The following DDX3X variants were observed in gnomAD, a reference collection of about 807,000 sequenced individuals.
DDX3X encodes the protein ATP-dependent RNA helicase DDX3X.
Under a neutral mutation model 52.7 loss-of-function variants are expected in DDX3X, and 4 were observed. The observed-to-expected ratio is 0.08, with a 90% CI of 0.04 to 0.17. DDX3X has a LOEUF of 0.17. Ranked by LOEUF, DDX3X falls within the 10% of genes least tolerant of loss-of-function variation. DDX3X has a pLI of 1.00. For synonymous variants in DDX3X, 192 were observed against 178.1 expected (o/e 1.08, Z -0.62); for missense variants, 222 against 548.6 (o/e 0.40, Z 5.95).
rs1602128866 is a variant in DDX3X at position 41,342,411 on chromosome X, T to C, written c.285-84T>C. ...TCCTTATGGTTAGCCATAACTTAAG[T>C]CTCCAGATACAGTTCTAGAGTAGGG... is the stretch of plus-strand genomic sequence containing the variant. On this transcript the variant is annotated intron_variant, in intron 4 of 16. Transcript: ENST00000644876. 8 of 1,050,506 alleles carry C rather than the reference T, an allele frequency of 7.6e-6. No homozygotes were observed. In the East Asian group the frequency reaches 2.4e-4, roughly 32 times the overall value. The allele number at this position is 1,050,506 out of a possible 1,213,427, so 86.6% of individuals were successfully genotyped here. A position where few individuals can be genotyped will look rare whatever the true frequency, so the allele number is the denominator to read the frequency against.
At chrX:41,334,447 G>C (rs1448916413) in intron 1 of DDX3X, 150 bp downstream of exon 1, 1 of 1,113,056 alleles carries the variant, frequency 9.0e-7, no homozygotes, top group African/African-American at 1.8e-5. Context: ...GGCTATAGAG[G>C]GATAGGAATG....
upstream of DDX3X, chrX:41,333,514 C>G (rs2147331042): frequency 9.2e-6 from 1 of 108,803 alleles, no homozygotes; most frequent in Admixed American, 9.8e-5. Flanking sequence ...GCCACCGTTT[C>G]CTGCTTCACA....
At chrX:41,336,798 A>G (rs1448191925) in intron 1 of DDX3X, 2 of 112,295 alleles carry the variant, frequency 1.8e-5, no homozygotes, top group African/African-American at 6.5e-5. Context: ...TGTGCTTAAC[A>G]TAGTGTTCTG....
At chrX:41,359,596 CAAAAAA>C (rs397895766) in intron 5 of DDX3X, among the ~76,000 whole-genome samples, 1 of 52,567 alleles carries the variant, frequency 1.9e-5, no homozygotes, top group African/African-American at 7.2e-5. Context: ...GATTCCATCT[CAAAAAA>C]AAAAAAAAAA....
chrX:41,334,343 C>T (rs1602110664), intron 1 of DDX3X, 46 bp downstream of exon 1: 3 of 1,194,391 alleles, frequency 2.5e-6, no homozygotes, highest in Non-Finnish European at 3.4e-6. Context: ...GTGAATTCCT[C>T]CCCTGACCTA....
chrX:41,356,438 C>T (rs2064009061), intron 5 of DDX3X, among the ~76,000 whole-genome samples: 2 of 103,974 alleles, frequency 1.9e-5, no homozygotes, highest in Non-Finnish European at 3.9e-5. Flanking sequence ...TGAGCCACCT[C>T]GCCTGGCCAG....
chrX:41,354,342 C>CTATTTTTTTTTTTTT (rs2064000334), downstream of DDX3X, among the ~76,000 whole-genome samples: 1 of 46,311 alleles, frequency 2.2e-5, no homozygotes, highest in Non-Finnish European at 3.4e-5. Context: ...CTTGTGCTAC[C>CTATTTTTTTTTTTTT]TCTTTTTTTT....
downstream of DDX3X, chrX:41,351,418 T>A (rs2063985236): frequency 8.9e-6 from 1 of 112,004 alleles, no homozygotes; most frequent in Admixed American, 9.5e-5. Flanking sequence ...TTAAAATGGC[T>A]TTATAGGAGC....
chrX:41,345,667 C>T lies in DDX3X; in HGVS notation c.1315+119C>T, dbSNP rs938928058. The T allele has an allele frequency of 3.2e-5, 21 of 655,498 alleles. No homozygotes were observed. The Admixed American group carries it at 3.6e-4, about 11-fold the overall frequency. The allele number at this position is 655,498 out of a possible 1,213,427, so 54.0% of individuals were successfully genotyped here. A position where few individuals can be genotyped will look rare whatever the true frequency, so the allele number is the denominator to read the frequency against. On this transcript the variant is annotated intron_variant, in intron 12 of 16. Transcript: ENST00000644876. ...TACTGATCAGCATGGGAGTATTTGA[C>T]CTGCTCTGTTTCTGACCTGGGCCTG...
At chrX:41,337,728 C>A (rs1602119999) in intron 2 of DDX3X, 1 of 229,419 alleles carries the variant, frequency 4.4e-6, no homozygotes, top group East Asian at 8.2e-5. Context: ...TCACCGCAGT[C>A]TCTGCCTCCG....
chrX:41,353,297 C>CA (rs61067509), downstream of DDX3X, among the ~76,000 whole-genome samples: 3,308 of 45,972 alleles, frequency 0.072, 97 homozygotes, highest in African/African-American at 0.094. Flanking sequence ...ACTAAAAATA[C>CA]AAAAAAAAAA....
chrX:41,356,181 C>T (rs1212263315), intron 5 of DDX3X, among the ~76,000 whole-genome samples: 3 of 101,646 alleles, frequency 3.0e-5, no homozygotes, highest in African/African-American at 1.1e-4. Flanking sequence ...ACTCTGTTGC[C>T]CAGGCTGAAG....
chrX:41,340,635 G>C (rs1168307838), intron 3 of DDX3X: 1 of 275,195 alleles, frequency 3.6e-6, no homozygotes, highest in Non-Finnish European at 6.4e-6. Flanking sequence ...CTTTTTCCCA[G>C]GTATTCCTGA....
chrX:41,360,552 C>T (rs111937470), intron 5 of DDX3X, among the ~76,000 whole-genome samples: 22,276 of 106,455 alleles, frequency 0.21, 2,152 homozygotes, highest in South Asian at 0.45. Flanking sequence ...AAGTGATTCT[C>T]CTGCTGCAGC....
chrX:41,343,024 A>G (rs951825462), intron 6 of DDX3X, 188 bp downstream of exon 6: 9 of 593,186 alleles, frequency 1.5e-5, no homozygotes, highest in Non-Finnish European at 2.3e-5. Context: ...TGGGTCAAAC[A>G]TAGGAACAAC....
At position 41,348,117 on chromosome X, in the gene DDX3X, C is replaced by G. The variant is rs1295171475; in HGVS notation, c.*398C>G. On this transcript the variant is annotated 3_prime_UTR_variant, in exon 17 of 17. Transcript: ENST00000644876. ...CAATTGTTTTGACAAAATAAATTTA[C>G]TGAACTTGGGCTAAAATCAAACCTT... The G allele has an allele frequency of 3.6e-6, 1 of 277,081 alleles. No individual in the cohort carries two copies. The highest frequency in any genetic ancestry group is 6.3e-6 in the Non-Finnish European group (1 of 158,325). 22.8% of individuals were successfully genotyped at this position (277,081 alleles called of 1,213,427 possible).
chrX:41,334,197 T>A lies in DDX3X; in HGVS notation c.-56T>A. 8.7e-7 allele frequency: 1 copy of A among 1,150,109 alleles called. No individual in the cohort carries two copies. The allele number at this position is 1,150,109 out of a possible 1,213,427, so 94.8% of individuals were successfully genotyped here. On this transcript the variant is annotated 5_prime_UTR_variant, in exon 1 of 17. Transcript: ENST00000644876. ...TTCTCCCGTGAGAGGGCCTTCGCGG[T>A]GGAACAAACACTCGCTTAGCAGCGG...
intron 5 of DDX3X, among the ~76,000 whole-genome samples, chrX:41,362,279 G>A (rs1178827827): frequency 1.8e-5 from 2 of 109,936 alleles, no homozygotes; most frequent in Admixed American, 2.0e-4. Context: ...AGTAGAGACG[G>A]GGTTTTGCCA....
chrX:41,345,388 A>AT lies in DDX3X; in HGVS notation c.1171-8dup, dbSNP rs747987697. On this transcript the variant is annotated splice_polypyrimidine_tract_variant and intron_variant, in intron 11 of 16. Coordinates refer to ENST00000644876, the MANE Select transcript of DDX3X (RefSeq NM_001356.5). ...TTGTTTATCTCAGGTAATAATAAAAATTTTTTTTCTTTCAGATGCTGGCTC... is the reference window on the plus strand; with the variant it reads ...TTGTTTATCTCAGGTAATAATAAAAATTTTTTTTTCTTTCAGATGCTGGCTC... 281 of 1,193,430 alleles carry AT rather than the reference A, an allele frequency of 2.4e-4. No homozygotes were observed. Among genetic ancestry groups the AT allele is most frequent in the Non-Finnish European group, 3.0e-4 (267 of 889,679 alleles).
Sources: allele counts gnomAD v4.1 joint callset (sites outside exome capture counted in the v4.1 genomes callset), GRCh38; gene constraint gnomAD v4.1.1; transcripts MANE v1.5; gene names NCBI Gene and HGNC (gene_info 2026-07-23, HGNC 2026-07-21).